KCNN2: variants seen among roughly 807,000 people sequenced by gnomAD.
The protein encoded by KCNN2 is potassium calcium-activated channel subfamily N member 2.
Under a neutral mutation model 55.5 loss-of-function variants are expected in KCNN2, and 24 were observed. The observed-to-expected ratio is 0.43, with a 90% CI of 0.31 to 0.61. KCNN2 has a LOEUF of 0.61. Among genes scored for constraint, KCNN2 ranks in the 20% least tolerant of loss-of-function variants. The pLI is 0.08. For synonymous variants in KCNN2, 431 were observed against 336.1 expected (o/e 1.28, Z -3.09); for missense variants, 754 against 853.6 (o/e 0.88, Z 1.45).
intron 1 of KCNN2, among the ~76,000 whole-genome samples, chr5:114,204,140 G>A (rs1039893504): frequency 6.6e-6 from 1 of 151,964 alleles, no homozygotes; most frequent in Non-Finnish European, 1.5e-5. Flanking sequence ...TTTTGCATAA[G>A]GAACTAGAAA....
At chr5:114,067,215 GGCATATGGAGA>G (rs1750470051) in intron 1 of KCNN2, among the ~76,000 whole-genome samples, 1 of 152,154 alleles carries the variant, frequency 6.6e-6, no homozygotes, top group African/African-American at 2.4e-5. Context: ...GTTCCTAGAT[GGCATATGGAGA>G]GTCTCTGAAG....
chr5:114,137,030 C>T (rs1382208062), intron 1 of KCNN2, among the ~76,000 whole-genome samples: 3 of 152,088 alleles, frequency 2.0e-5, no homozygotes, highest in East Asian at 1.9e-4. Context: ...TCCTACTATT[C>T]GTGGTAGATA....
chr5:114,223,628 A>G lies in KCNN2; in HGVS notation c.-185+2063A>G, dbSNP rs1754188069. 2.6e-5 allele frequency among the ~76,000 whole-genome samples: 4 copies of G among 152,208 alleles called. No individual in the cohort carries two copies. The South Asian group carries it at 8.3e-4, about 31-fold the overall frequency. On this transcript the variant is annotated intron_variant, in intron 2 of 10. Coordinates refer to the KCNN2 transcript ENST00000512097. Reference sequence around the variant, plus strand: ...TTGTTTTTACAAGAGAATTTAATACAAAGAATTGTCAGCCAGGAATTGACA... The same window carrying G: ...TTGTTTTTACAAGAGAATTTAATACGAAGAATTGTCAGCCAGGAATTGACA...
At chr5:114,322,161 G>A (rs1210943851) in intron 2 of KCNN2, among the ~76,000 whole-genome samples, 1 of 152,188 alleles carries the variant, frequency 6.6e-6, no homozygotes, top group Non-Finnish European at 1.5e-5. Context: ...TTTCTTGGGT[G>A]TATTTCAAAA....
chr5:114,373,837 GA>G (rs1271858708), intron 2 of KCNN2, among the ~76,000 whole-genome samples: 24 of 146,162 alleles, frequency 1.6e-4, no homozygotes, highest in African/African-American at 5.3e-4. Context: ...GAGAGAACAG[GA>G]AAAAAAAAGT....
intron 1 of KCNN2, among the ~76,000 whole-genome samples, chr5:114,159,019 G>A (rs938258861): frequency 1.3e-5 from 2 of 152,060 alleles, no homozygotes; most frequent in Non-Finnish European, 2.9e-5. Flanking sequence ...TGATTGCCCT[G>A]GCCAGAACCT....
chr5:114,272,847 C>G (rs1270470570), intron 2 of KCNN2, among the ~76,000 whole-genome samples: 1 of 152,040 alleles, frequency 6.6e-6, no homozygotes, highest in Non-Finnish European at 1.5e-5. Context: ...AAACTTGTCT[C>G]ATTCTTTCCA....
chr5:114,421,264 A>C (rs1301313054), intron 3 of KCNN2, among the ~76,000 whole-genome samples: 1 of 151,150 alleles, frequency 6.6e-6, no homozygotes, highest in African/African-American at 2.4e-5. Flanking sequence ...GTGTTAAGAC[A>C]AATTTAATTA....
intron 1 of KCNN2, among the ~76,000 whole-genome samples, chr5:114,124,612 C>T (rs1360456755): frequency 6.6e-6 from 1 of 152,168 alleles, no homozygotes; most frequent in African/African-American, 2.4e-5. Flanking sequence ...TCCCGTTACT[C>T]TCTCCCTTGT....
chr5:114,483,926 T>C (rs189340490), intron 5 of KCNN2, among the ~76,000 whole-genome samples: 2 of 152,258 alleles, frequency 1.3e-5, no homozygotes, highest in Non-Finnish European at 2.9e-5. Context: ...ATCTAGCATG[T>C]AGTAGAGATT....
chr5:114,170,040 A>G (rs939423167), intron 1 of KCNN2, among the ~76,000 whole-genome samples: 1 of 152,034 alleles, frequency 6.6e-6, no homozygotes, highest in African/African-American at 2.4e-5. Flanking sequence ...CCTACTTAGT[A>G]TGTTATATTG....
chr5:114,337,245 G>A (rs1391266543), intron 2 of KCNN2, among the ~76,000 whole-genome samples: 2 of 152,162 alleles, frequency 1.3e-5, no homozygotes, highest in African/African-American at 4.8e-5. Context: ...CCATAGGTAA[G>A]TGGGGGTTAT....
At chr5:114,279,555 G>C (rs2150012201) in intron 2 of KCNN2, among the ~76,000 whole-genome samples, 1 of 152,172 alleles carries the variant, frequency 6.6e-6, no homozygotes, top group Non-Finnish European at 1.5e-5. Context: ...GTGGTGTTTG[G>C]TTTTCTGTCC....
At chr5:114,147,754 A>C (rs1247027062) in intron 1 of KCNN2, among the ~76,000 whole-genome samples, 1 of 152,180 alleles carries the variant, frequency 6.6e-6, no homozygotes, top group African/African-American at 2.4e-5. Flanking sequence ...GTCACCTAGT[A>C]ATTTTTGAAA....
At chr5:114,405,621 T>G (rs1287675814) in intron 3 of KCNN2, among the ~76,000 whole-genome samples, 1 of 152,194 alleles carries the variant, frequency 6.6e-6, no homozygotes, top group African/African-American at 2.4e-5. Flanking sequence ...CAAGTTGAAA[T>G]TAACAGTAGA....
At position 114,362,568 on chromosome 5, in the gene KCNN2, C is replaced by T. The variant is rs957167809; in HGVS notation, c.429C>T (p.Tyr143=). The change falls in exon 1 of 8, where the codon TAC becomes TAT. Residue 143 remains tyrosine, a synonymous_variant. Transcript: ENST00000673685. ...SSHASALRQQ[Y]AQQSAQQSAS... is the part of the protein sequence containing the mutation. Reference sequence around the variant, plus strand: ...ATGCCAGTGCGCTCCGGCAGCAGTACGCGCAGCAGTCCGCGCAGCAGTCGG... The same window carrying T: ...ATGCCAGTGCGCTCCGGCAGCAGTATGCGCAGCAGTCCGCGCAGCAGTCGG... 14 of 649,316 alleles carry T rather than the reference C, an allele frequency of 2.2e-5. No individual in the cohort carries two copies. The African/African-American group carries it at 2.3e-4, about 11-fold the overall frequency. The allele number at this position is 649,316 out of a possible 1,614,324, so 40.2% of individuals were successfully genotyped here. A position where few individuals can be genotyped will look rare whatever the true frequency, so the allele number is the denominator to read the frequency against.
intron 2 of KCNN2, among the ~76,000 whole-genome samples, chr5:114,275,369 C>T (rs1190680781): frequency 6.6e-6 from 1 of 152,034 alleles, no homozygotes; most frequent in Non-Finnish European, 1.5e-5. Flanking sequence ...AGGGAGGATT[C>T]CCTCTTTTTC....
rs1175618668 is a variant in KCNN2 at position 114,056,351 on chromosome 5, T to C, written c.-420T>C. ...GCTAGGACTCCTGATTCTTCTCAGA[T>C]GGAAACAGTTTCTCCCGGTGAACCT... is the stretch of plus-strand genomic sequence containing the variant. On this transcript the variant is annotated 5_prime_UTR_variant, in exon 1 of 11. Transcript: ENST00000512097. 14 of 398,560 alleles carry C rather than the reference T, an allele frequency of 3.5e-5. No homozygotes were observed. The East Asian group carries it at 4.3e-4, about 12-fold the overall frequency. The allele number at this position is 398,560 out of a possible 1,614,324, so 24.7% of individuals were successfully genotyped here.
chr5:114,419,964 C>T (rs1759425878), intron 3 of KCNN2, among the ~76,000 whole-genome samples: 1 of 152,252 alleles, frequency 6.6e-6, no homozygotes, highest in Non-Finnish European at 1.5e-5. Flanking sequence ...CGAGGCTATA[C>T]TCCAGCCTGG....
Sources: gnomAD v4.1 joint callset for allele counts (sites outside exome capture counted in the v4.1 genomes callset) on GRCh38, gnomAD v4.1.1 for gene constraint, MANE v1.5 for transcripts, NCBI Gene and HGNC (gene_info 2026-07-23, HGNC 2026-07-21) for gene names.